Variants in PDE10A observed in about 807,000 individuals in gnomAD.
PDE10A encodes the protein phosphodiesterase 10A, also known as cAMP and cAMP-inhibited cGMP 3',5'-cyclic phosphodiesterase 10A.
In PDE10A, 39 loss-of-function variants were observed where a neutral mutation model predicts 97.7. The ratio of observed to expected loss-of-function variants is 0.40; its 90% CI spans 0.31 to 0.52. The LOEUF (loss-of-function observed/expected upper bound fraction) is 0.52. Among genes scored for constraint, PDE10A ranks in the 20% least tolerant of loss-of-function variants. PDE10A has a pLI of 0.56. For missense variants in PDE10A, 731 were observed against 1,047.8 expected (o/e 0.70, Z 4.17); for synonymous variants, 371 against 376.8 (o/e 0.98, Z 0.18).
chr6:165,496,518 T>C (rs552530299), intron 2 of PDE10A, among the ~76,000 whole-genome samples: 1 of 152,340 alleles, frequency 6.6e-6, no homozygotes, highest in African/African-American at 2.4e-5. Context: ...GGATAATTCT[T>C]ACACAGAGAG....
In PDE10A at chr6:165,450,392, C is replaced by CA. The variant is rs747789051; in HGVS notation, c.1024-31dup. 8 of 1,391,366 alleles carry CA rather than the reference C, an allele frequency of 5.7e-6. 1 individual carries two copies. In the South Asian group the frequency reaches 9.1e-5, roughly 16 times the overall value. 86.2% of individuals were successfully genotyped at this position (1,391,366 alleles called of 1,614,324 possible). ...GGATTAAAAATAACAAAAATAAAAA[C>CA]AGAGTTTAAATAAAATATAACAAAA... is the stretch of plus-strand genomic sequence containing the variant. On this transcript the variant is annotated intron_variant, in intron 3 of 21. Coordinates refer to ENST00000539869, the MANE Select transcript of PDE10A (RefSeq NM_001385079.1).
At chr6:165,754,654 G>A (rs1401996074) in intron 1 of PDE10A, among the ~76,000 whole-genome samples, 1 of 152,074 alleles carries the variant, frequency 6.6e-6, no homozygotes, top group Non-Finnish European at 1.5e-5. Context: ...TTAAGAACAT[G>A]GATTTTGGAT....
chr6:165,429,460 A>G (rs1015756118), intron 9 of PDE10A, among the ~76,000 whole-genome samples: 32 of 152,132 alleles, frequency 2.1e-4, no homozygotes, highest in Admixed American at 2.1e-3. Flanking sequence ...TATTATTTCA[A>G]AAACTAAATG....
chr6:165,653,462 T>C (rs1452760823), intron 1 of PDE10A, among the ~76,000 whole-genome samples: 1 of 152,110 alleles, frequency 6.6e-6, no homozygotes, highest in Admixed American at 6.5e-5. Context: ...GTCAGGAGGA[T>C]ACCATGACAC....
intron 1 of PDE10A, among the ~76,000 whole-genome samples, chr6:165,681,900 T>A (rs1348308765): frequency 1.3e-5 from 2 of 152,208 alleles, no homozygotes; most frequent in Admixed American, 1.3e-4. Context: ...TTTGTATTAA[T>A]GATAAATGAG....
At chr6:165,434,467 T>G (rs1475674259) in intron 6 of PDE10A, among the ~76,000 whole-genome samples, 3 of 152,214 alleles carry the variant, frequency 2.0e-5, no homozygotes, top group African/African-American at 7.2e-5. Context: ...TTCATTAAAA[T>G]GTCCACATGT....
intron 2 of PDE10A, among the ~76,000 whole-genome samples, chr6:165,496,061 G>A (rs941283455): frequency 6.6e-6 from 1 of 151,924 alleles, no homozygotes; most frequent in Non-Finnish European, 1.5e-5. Flanking sequence ...ATAAAAAAAG[G>A]GTGGTTGCGG....
At chr6:165,768,391 T>C (rs1014803214) in intron 1 of PDE10A, among the ~76,000 whole-genome samples, 1 of 152,184 alleles carries the variant, frequency 6.6e-6, no homozygotes, top group African/African-American at 2.4e-5. Flanking sequence ...GGTTTTCTTC[T>C]AAGAGTTTTA....
Position 165,645,752 on chromosome 6 carries a change from G to C in PDE10A, c.865+16195C>G, listed in dbSNP as rs1789362344. On this transcript the variant is annotated intron_variant, in intron 1 of 21. Transcript: ENST00000539869. Reference sequence around the variant, plus strand: ...ACCTGTAATCCCAGCTACTAGGGAGGCTGAGACAGGAGAATTGCTTGAACC... The same window carrying C: ...ACCTGTAATCCCAGCTACTAGGGAGCCTGAGACAGGAGAATTGCTTGAACC... Among the ~76,000 whole-genome samples the C allele has an allele frequency of 2.0e-5, 3 of 150,520 alleles. No homozygotes were observed. In the Middle Eastern group the frequency reaches 0.01, roughly 526 times the overall value.
At chr6:165,758,771 C>T (rs1793184820) in intron 1 of PDE10A, among the ~76,000 whole-genome samples, 1 of 151,956 alleles carries the variant, frequency 6.6e-6, no homozygotes, top group South Asian at 2.1e-4. Context: ...TTTAATGAGG[C>T]TAACTCTAAA....
chr6:165,347,298 A>T lies in PDE10A; in HGVS notation c.2784-3796T>A, dbSNP rs1302022718. ...TGAACAGCTGCATACTCAAAATCAT[A>T]GAAAATATTTTAAAATCTTACTGTT... On this transcript the variant is annotated intron_variant, in intron 18 of 21. Transcript: ENST00000539869. Among the ~76,000 whole-genome samples, 3 of 152,226 alleles carry T rather than the reference A, an allele frequency of 2.0e-5. No individual in the cohort carries two copies. In the East Asian group the frequency reaches 5.8e-4, roughly 29 times the overall value.
At chr6:165,879,935 C>T (rs912454618) in intron 1 of PDE10A, among the ~76,000 whole-genome samples, 1 of 150,338 alleles carries the variant, frequency 6.7e-6, no homozygotes, top group Admixed American at 6.6e-5. Context: ...GGGGGGGACA[C>T]TCTTTAACCC....
chr6:165,947,645 G>A (rs1312260873), intron 1 of PDE10A, among the ~76,000 whole-genome samples: 1 of 152,124 alleles, frequency 6.6e-6, no homozygotes, highest in Non-Finnish European at 1.5e-5. Context: ...TGGCATAAAC[G>A]TATTTTCCTA....
In PDE10A at chr6:165,329,968, T is replaced by G. The variant is rs75888903; in HGVS notation, c.*3057A>C. ...TTTTTAGAATTAGTTTCCACATCCA[T>G]TGTATTTCTTTTGACCCTTTTCTAA... On this transcript the variant is annotated 3_prime_UTR_variant, in exon 22 of 22. Transcript: ENST00000539869. 28 of 152,322 alleles carry G rather than the reference T, an allele frequency of 1.8e-4. 1 individual carries two copies. In the East Asian group the frequency reaches 5.4e-3, roughly 29 times the overall value. 9.4% of individuals were successfully genotyped at this position (152,322 alleles called of 1,614,324 possible).
intron 1 of PDE10A, among the ~76,000 whole-genome samples, chr6:165,898,703 G>A (rs920980467): frequency 2.0e-5 from 3 of 151,856 alleles, no homozygotes; most frequent in African/African-American, 7.3e-5. Context: ...AACACTGGAC[G>A]GCACCCACTC....
intron 3 of PDE10A, among the ~76,000 whole-genome samples, chr6:165,476,094 A>C (rs1779279525): frequency 6.6e-6 from 1 of 152,162 alleles, no homozygotes; most frequent in Non-Finnish European, 1.5e-5. Context: ...GAGCAGACCT[A>C]AAATCACTCA....
chr6:165,756,332 T>C (rs917945728), intron 1 of PDE10A, among the ~76,000 whole-genome samples: 1 of 152,140 alleles, frequency 6.6e-6, no homozygotes, highest in Admixed American at 6.6e-5. Flanking sequence ...TGTTCAAAAA[T>C]TTTTTAAAAA....
intron 3 of PDE10A, among the ~76,000 whole-genome samples, chr6:165,468,370 G>A (rs568149176): frequency 1.9e-4 from 29 of 152,130 alleles, no homozygotes; most frequent in Admixed American, 1.3e-3. Flanking sequence ...TTACAGGCGT[G>A]AGCCACTGCA....
At chr6:165,956,057 T>TTG (rs1479791937) in intron 1 of PDE10A, among the ~76,000 whole-genome samples, 1 of 152,148 alleles carries the variant, frequency 6.6e-6, no homozygotes, top group Non-Finnish European at 1.5e-5. Context: ...GATGGGAAAA[T>TTG]TGTCAAGGGT....
Sources: allele counts gnomAD v4.1 joint callset (sites outside exome capture counted in the v4.1 genomes callset), GRCh38; gene constraint gnomAD v4.1.1; transcripts MANE v1.5; gene names NCBI Gene and HGNC (gene_info 2026-07-23, HGNC 2026-07-21).